Variants in CADPS observed in about 807,000 individuals in gnomAD.
CADPS encodes the protein calcium dependent secretion activator.
Under a neutral mutation model 167.3 loss-of-function variants are expected in CADPS, and 57 were observed. The observed-to-expected ratio is 0.34, with a 90% CI of 0.28 to 0.42. The LOEUF (loss-of-function observed/expected upper bound fraction) is 0.42. Among genes scored for constraint, CADPS ranks in the 20% least tolerant of loss-of-function variants. The pLI is 1.00. For synonymous variants in CADPS, 676 were observed against 635.3 expected (o/e 1.06, Z -0.96); for missense variants, 1,414 against 1,738.1 (o/e 0.81, Z 3.32).
At chr3:62,694,852 A>G (rs1349831547) in intron 3 of CADPS, among the ~76,000 whole-genome samples, 1 of 152,098 alleles carries the variant, frequency 6.6e-6, no homozygotes, top group East Asian at 1.9e-4. Context: ...CCCTAAAAAA[A>G]TGGGACTCTG....
At chr3:62,717,366 A>G (rs916610042) in intron 3 of CADPS, among the ~76,000 whole-genome samples, 5 of 152,190 alleles carry the variant, frequency 3.3e-5, no homozygotes, top group African/African-American at 1.2e-4. Flanking sequence ...ACCCAATCAT[A>G]TCTTTGGTCC....
At chr3:62,428,365 G>C (rs1262403683) in intron 28 of CADPS, among the ~76,000 whole-genome samples, 2 of 131,076 alleles carry the variant, frequency 1.5e-5, no homozygotes, top group Non-Finnish European at 3.1e-5. Context: ...AAAAGGAAAG[G>C]AAAGAGAAGT....
At chr3:62,809,680 T>C (rs1222264130) in intron 1 of CADPS, among the ~76,000 whole-genome samples, 1 of 152,174 alleles carries the variant, frequency 6.6e-6, no homozygotes, top group Non-Finnish European at 1.5e-5. Flanking sequence ...GTCTTCTGTC[T>C]TATTCCACTA....
intron 1 of CADPS, among the ~76,000 whole-genome samples, chr3:62,818,105 T>C (rs920373017): frequency 6.6e-6 from 1 of 152,140 alleles, no homozygotes; most frequent in Admixed American, 6.6e-5. Context: ...CTGAGAATTG[T>C]TTTTTTAATG....
At chr3:62,701,586 T>C (rs1258401481) in intron 3 of CADPS, among the ~76,000 whole-genome samples, 2 of 130,836 alleles carry the variant, frequency 1.5e-5, no homozygotes, top group Admixed American at 9.0e-5. Context: ...TCCAGCCTGG[T>C]GACAGAACAA....
chr3:62,770,513 C>T (rs1026735389), intron 1 of CADPS, among the ~76,000 whole-genome samples: 2 of 152,086 alleles, frequency 1.3e-5, no homozygotes, highest in Non-Finnish European at 1.5e-5. Context: ...GCAAACTCCG[C>T]CTCCTAGGTT....
chr3:62,680,490 A>C (rs2076982966), intron 3 of CADPS, among the ~76,000 whole-genome samples: 1 of 151,942 alleles, frequency 6.6e-6, no homozygotes. Context: ...ACACACATCT[A>C]ATCATTTGCC....
intron 27 of CADPS, among the ~76,000 whole-genome samples, chr3:62,441,547 A>G (rs1415062823): frequency 6.6e-6 from 1 of 152,204 alleles, no homozygotes; most frequent in Non-Finnish European, 1.5e-5. Flanking sequence ...GGTGACTGGT[A>G]CTAGAACTTC....
intron 11 of CADPS, among the ~76,000 whole-genome samples, chr3:62,543,465 T>G (rs1049827535): frequency 1.3e-5 from 2 of 152,146 alleles, no homozygotes; most frequent in African/African-American, 2.4e-5. Flanking sequence ...AAAAAAAGTA[T>G]AGCAAAATCC....
chr3:62,731,658 T>C (rs2077827172), intron 3 of CADPS, among the ~76,000 whole-genome samples: 1 of 151,686 alleles, frequency 6.6e-6, no homozygotes, highest in South Asian at 2.1e-4. Flanking sequence ...AGCAAATAAA[T>C]TGCAATGTGA....
At chr3:62,583,470 G>T (rs973662065) in intron 8 of CADPS, among the ~76,000 whole-genome samples, 3 of 152,186 alleles carry the variant, frequency 2.0e-5, no homozygotes, top group South Asian at 4.2e-4. Flanking sequence ...TAATTTAATC[G>T]AAGAAAACCT....
chr3:62,467,919 CA>C (rs1341225583), intron 24 of CADPS, among the ~76,000 whole-genome samples: 2 of 152,028 alleles, frequency 1.3e-5, no homozygotes, highest in East Asian at 3.9e-4. Context: ...GTTAGTTGTT[CA>C]AGTTCATCAA....
chr3:62,485,908 G>C (rs2062740354), intron 21 of CADPS, among the ~76,000 whole-genome samples: 1 of 152,156 alleles, frequency 6.6e-6, no homozygotes, highest in Admixed American at 6.5e-5. Context: ...AACTGAGGGA[G>C]GATCTCAACT....
At chr3:62,441,385 C>A (rs1156374735) in intron 27 of CADPS, among the ~76,000 whole-genome samples, 1 of 152,182 alleles carries the variant, frequency 6.6e-6, no homozygotes, top group African/African-American at 2.4e-5. Context: ...CTTGCCCCTA[C>A]CGGAATACTT....
chr3:62,528,569 G>T (rs2072884715), intron 13 of CADPS, among the ~76,000 whole-genome samples: 1 of 152,118 alleles, frequency 6.6e-6, no homozygotes, highest in South Asian at 2.1e-4. Flanking sequence ...GTAATCCATA[G>T]AAGATAATTT....
At chr3:62,604,303 G>A (rs1480674106) in intron 6 of CADPS, among the ~76,000 whole-genome samples, 1 of 152,122 alleles carries the variant, frequency 6.6e-6, no homozygotes, top group Non-Finnish European at 1.5e-5. Context: ...AATTTTGGGG[G>A]CAGTGGTTTG....
At chr3:62,466,748 T>C (rs1194684466) in intron 24 of CADPS, 2 of 283,310 alleles carry the variant, frequency 7.1e-6, no homozygotes, top group East Asian at 8.3e-5. Flanking sequence ...CAGGATACTG[T>C]AATAATTTAA....
intron 9 of CADPS, among the ~76,000 whole-genome samples, chr3:62,567,565 T>A (rs926578210): frequency 3.4e-4 from 2 of 5,912 alleles, no homozygotes; most frequent in Non-Finnish European, 1.1e-3. Context: ...TAAGCACTGC[T>A]TTTTTTTTTT....
intron 3 of CADPS, among the ~76,000 whole-genome samples, chr3:62,698,212 C>T (rs7626322): frequency 0.47 from 71,049 of 151,978 alleles, 17,784 homozygotes; most frequent in East Asian, 0.86. Flanking sequence ...CATATTGCCT[C>T]ATGCAATAAA....
Sources: gnomAD v4.1 joint callset for allele counts (sites outside exome capture counted in the v4.1 genomes callset) on GRCh38, gnomAD v4.1.1 for gene constraint, MANE v1.5 for transcripts, NCBI Gene and HGNC (gene_info 2026-07-23, HGNC 2026-07-21) for gene names.